PRKG1: variants seen among roughly 807,000 people sequenced by gnomAD.
PRKG1 encodes the protein cGMP-dependent protein kinase 1.
A neutral mutation model predicts 88.1 loss-of-function variants in PRKG1; 35 were observed. That is an observed-to-expected ratio of 0.40 (90% CI 0.30 to 0.53). PRKG1 has a LOEUF of 0.53. Ranked by LOEUF, PRKG1 falls within the 20% of genes least tolerant of loss-of-function variation. The probability of loss-of-function intolerance (pLI) is 0.59; values close to 1 mark genes in which losing one functional copy is unlikely to be tolerated. For synonymous variants in PRKG1, 303 were observed against 292.5 expected (o/e 1.04, Z -0.37); for missense variants, 540 against 839.8 (o/e 0.64, Z 4.41).
chr10:51,039,734 C>A (rs986853227), intron 1 of PRKG1, among the ~76,000 whole-genome samples: 2 of 152,112 alleles, frequency 1.3e-5, no homozygotes, highest in African/African-American at 4.8e-5. Flanking sequence ...TGAGGTTTTA[C>A]ATTTAAGTCC....
At chr10:52,104,815 C>T (rs1394339334) in intron 7 of PRKG1, among the ~76,000 whole-genome samples, 3 of 152,130 alleles carry the variant, frequency 2.0e-5, no homozygotes, top group Non-Finnish European at 4.4e-5. Flanking sequence ...AAAAATAAGG[C>T]ATATCAACCT....
At chr10:52,139,575 A>G (rs1438490242) in intron 8 of PRKG1, among the ~76,000 whole-genome samples, 1 of 152,188 alleles carries the variant, frequency 6.6e-6, no homozygotes, top group Admixed American at 6.6e-5. Flanking sequence ...ACAGTGAACC[A>G]GCCATGCAGG....
intron 2 of PRKG1, among the ~76,000 whole-genome samples, chr10:51,395,483 G>A (rs1003276509): frequency 6.7e-6 from 1 of 149,728 alleles, no homozygotes; most frequent in Non-Finnish European, 1.5e-5. Flanking sequence ...CAGAGGTAAA[G>A]CTGGGGCTGG....
intron 1 of PRKG1, among the ~76,000 whole-genome samples, chr10:51,128,784 T>C (rs991419793): frequency 1.3e-5 from 2 of 152,206 alleles, no homozygotes; most frequent in Non-Finnish European, 2.9e-5. Context: ...GCTTATGTAG[T>C]AAGAAACATA....
At chr10:51,154,804 C>A (rs2131978140) in intron 2 of PRKG1, among the ~76,000 whole-genome samples, 2 of 151,936 alleles carry the variant, frequency 1.3e-5, no homozygotes, top group South Asian at 4.1e-4. Context: ...CAAAAATACA[C>A]ATAATGTACA....
chr10:51,796,522 T>C (rs986993061), intron 3 of PRKG1, among the ~76,000 whole-genome samples: 2 of 152,092 alleles, frequency 1.3e-5, no homozygotes, highest in Non-Finnish European at 2.9e-5. Flanking sequence ...AGCTATTATA[T>C]TGGACAGTGC....
intron 3 of PRKG1, among the ~76,000 whole-genome samples, chr10:51,686,029 T>C (rs1397105190): frequency 6.6e-6 from 1 of 152,136 alleles, no homozygotes; most frequent in East Asian, 1.9e-4. Flanking sequence ...CTTCCTTCTA[T>C]GTAATCCTGG....
intron 3 of PRKG1, among the ~76,000 whole-genome samples, chr10:51,760,472 G>GC (rs1554839417): frequency 8.2e-5 from 9 of 110,052 alleles, no homozygotes; most frequent in Admixed American, 8.8e-5. Flanking sequence ...TTGACTTTTC[G>GC]TTTTTTTTTT....
At chr10:51,304,487 T>TTTA (rs761435067) in intron 2 of PRKG1, among the ~76,000 whole-genome samples, 28 of 151,954 alleles carry the variant, frequency 1.8e-4, no homozygotes, top group Admixed American at 7.2e-4. Context: ...ATTTTTTTAT[T>TTTA]TTATTATTAT....
chr10:51,906,812 A>T (rs1842096009), intron 4 of PRKG1, among the ~76,000 whole-genome samples: 1 of 152,196 alleles, frequency 6.6e-6, no homozygotes, highest in South Asian at 2.1e-4. Flanking sequence ...GCTCTACAGG[A>T]GAGAAATAAT....
chr10:51,164,714 G>T (rs1846480648), intron 2 of PRKG1, among the ~76,000 whole-genome samples: 1 of 152,140 alleles, frequency 6.6e-6, no homozygotes, highest in South Asian at 2.1e-4. Context: ...GGAGCTGATG[G>T]AGCTGAAAGC....
chr10:52,233,441 A>G (rs1268751401), intron 9 of PRKG1, among the ~76,000 whole-genome samples: 1 of 149,402 alleles, frequency 6.7e-6, no homozygotes, highest in Non-Finnish European at 1.5e-5. Flanking sequence ...CAGTGGGCGC[A>G]GGCCAGTGGG....
chr10:51,947,292 G>A (rs926992419), intron 5 of PRKG1, among the ~76,000 whole-genome samples: 1 of 152,112 alleles, frequency 6.6e-6, no homozygotes, highest in Non-Finnish European at 1.5e-5. Flanking sequence ...ATCTCCTGGT[G>A]CGCCGTTTTT....
intron 8 of PRKG1, among the ~76,000 whole-genome samples, chr10:52,148,356 T>A (rs1316799867): frequency 6.6e-6 from 1 of 152,180 alleles, no homozygotes; most frequent in Non-Finnish European, 1.5e-5. Flanking sequence ...TCAGTAGCTC[T>A]GAGTTTGAGA....
At chr10:51,392,515 T>C (rs1837433914) in intron 2 of PRKG1, among the ~76,000 whole-genome samples, 1 of 151,826 alleles carries the variant, frequency 6.6e-6, no homozygotes, top group African/African-American at 2.4e-5. Flanking sequence ...AAATGAAAAG[T>C]CTCCCATGTC....
At chr10:51,999,897 G>GAATAATGAAGTT (rs1844550127) in intron 5 of PRKG1, among the ~76,000 whole-genome samples, 1 of 152,034 alleles carries the variant, frequency 6.6e-6, no homozygotes, top group African/African-American at 2.4e-5. Flanking sequence ...CAAGACTAAA[G>GAATAATGAAGTT]AATAATGAAG....
At chr10:52,028,934 TA>T (rs1213207296) in intron 5 of PRKG1, among the ~76,000 whole-genome samples, 2 of 152,232 alleles carry the variant, frequency 1.3e-5, no homozygotes, top group South Asian at 2.1e-4. Flanking sequence ...ATTCCAGGTT[TA>T]AAAAAATACT....
At chr10:51,392,277 G>C (rs1837424517) in intron 2 of PRKG1, among the ~76,000 whole-genome samples, 2 of 151,834 alleles carry the variant, frequency 1.3e-5, no homozygotes. Flanking sequence ...AGGACCCTGC[G>C]GCCTTCCGCA....
chr10:51,895,735 G>A (rs561726085), intron 4 of PRKG1, among the ~76,000 whole-genome samples: 21 of 152,040 alleles, frequency 1.4e-4, no homozygotes, highest in Non-Finnish European at 2.2e-4. Context: ...TACTAGAAGC[G>A]TCTAGAAGAT....
Sources: gnomAD v4.1 joint callset for allele counts (sites outside exome capture counted in the v4.1 genomes callset) on GRCh38, gnomAD v4.1.1 for gene constraint, MANE v1.5 for transcripts, NCBI Gene and HGNC (gene_info 2026-07-23, HGNC 2026-07-21) for gene names.